SCHIP1: variants seen among roughly 807,000 people sequenced by gnomAD.
The protein encoded by SCHIP1 is schwannomin-interacting protein 1.
Under a neutral mutation model 29.7 loss-of-function variants are expected in SCHIP1, and 8 were observed. The observed-to-expected ratio is 0.27, with a 90% CI of 0.16 to 0.49. The LOEUF (loss-of-function observed/expected upper bound fraction) is 0.49. Ranked by LOEUF, SCHIP1 falls within the 20% of genes least tolerant of loss-of-function variation. The pLI is 0.99. For missense variants in SCHIP1, 193 were observed against 294.6 expected, an observed-to-expected ratio of 0.66 and a Z score of 2.52; for synonymous variants, 76 against 94.9, an observed-to-expected ratio of 0.80 and a Z score of 1.16.
At chr3:159,630,689 A>G in the SCHIP1 span, among the ~76,000 whole-genome samples, 2 of 151,856 alleles carry the variant, frequency 1.3e-5, no homozygotes, top group African/African-American at 4.9e-5. Flanking sequence ...ACAAAGGTAT[A>G]AGAATGATAC....
the SCHIP1 span, among the ~76,000 whole-genome samples, chr3:159,316,920 G>A: frequency 8.7e-3 from 1,331 of 152,296 alleles, 17 homozygotes; most frequent in African/African-American, 0.031. Flanking sequence ...AGCTGGTCAC[G>A]TGGCTGTAGC....
At chr3:159,435,644 C>A in the SCHIP1 span, among the ~76,000 whole-genome samples, 1 of 152,132 alleles carries the variant, frequency 6.6e-6, no homozygotes, top group Non-Finnish European at 1.5e-5. Context: ...TACATTCTTG[C>A]AGACATTATG....
At chr3:159,864,985 A>C (rs1334329675) in intron 1 of SCHIP1, among the ~76,000 whole-genome samples, 1 of 152,182 alleles carries the variant, frequency 6.6e-6, no homozygotes, top group Non-Finnish European at 1.5e-5. Context: ...AACCTATTGT[A>C]TACTGTCCTT....
At chr3:159,546,295 G>A in the SCHIP1 span, among the ~76,000 whole-genome samples, 1 of 151,990 alleles carries the variant, frequency 6.6e-6, no homozygotes, top group African/African-American at 2.4e-5. Flanking sequence ...CAATTTCTGG[G>A]GGAAAGGAGT....
chr3:159,707,365 A>G, the SCHIP1 span, among the ~76,000 whole-genome samples: 1 of 152,244 alleles, frequency 6.6e-6, no homozygotes, highest in African/African-American at 2.4e-5. Context: ...AGCTCTCAGC[A>G]CTTAAGAGTT....
chr3:159,563,251 A>G, the SCHIP1 span, among the ~76,000 whole-genome samples: 1 of 152,214 alleles, frequency 6.6e-6, no homozygotes, highest in African/African-American at 2.4e-5. Context: ...TGTGATTAAT[A>G]TTAATCCTCA....
At chr3:159,875,023 AAAAAAAAAAC>A (rs1200493369) in intron 2 of SCHIP1, among the ~76,000 whole-genome samples, 3 of 151,060 alleles carry the variant, frequency 2.0e-5, no homozygotes, top group Non-Finnish European at 3.0e-5. Context: ...TAGTCTAAAA[AAAAAAAAAAC>A]AAAAACTATC....
chr3:159,751,746 C>T, the SCHIP1 span, among the ~76,000 whole-genome samples: 64,786 of 151,666 alleles, frequency 0.43, 14,960 homozygotes, highest in Middle Eastern at 0.55. Context: ...TGGGGTTTCA[C>T]AGTGTTAGCC....
chr3:159,662,545 T>C, the SCHIP1 span, among the ~76,000 whole-genome samples: 1 of 152,196 alleles, frequency 6.6e-6, no homozygotes, highest in African/African-American at 2.4e-5. Context: ...CACCCAGTCA[T>C]ATCAGAATCA....
the SCHIP1 span, among the ~76,000 whole-genome samples, chr3:159,752,587 G>A: frequency 3.2e-4 from 48 of 152,264 alleles, no homozygotes; most frequent in South Asian, 8.3e-4. Context: ...GGTAAAGTGG[G>A]AGTGAGGTGT....
chr3:159,774,264 T>G, the SCHIP1 span, among the ~76,000 whole-genome samples: 2 of 152,248 alleles, frequency 1.3e-5, no homozygotes, highest in African/African-American at 4.8e-5. Flanking sequence ...TCTCCTTGTT[T>G]CTCAGATGGT....
the SCHIP1 span, among the ~76,000 whole-genome samples, chr3:159,655,556 G>A: frequency 0.018 from 2,708 of 152,192 alleles, 79 homozygotes; most frequent in African/African-American, 0.063. Context: ...GCTGGAGATA[G>A]GAATGTTACC....
chr3:159,773,323 G>C, the SCHIP1 span, among the ~76,000 whole-genome samples: 2 of 152,176 alleles, frequency 1.3e-5, no homozygotes, highest in Non-Finnish European at 2.9e-5. Context: ...GGATTTTAGA[G>C]ATAGACAGGG....
chr3:159,574,426 G>A, the SCHIP1 span, among the ~76,000 whole-genome samples: 1 of 152,274 alleles, frequency 6.6e-6, no homozygotes, highest in East Asian at 1.9e-4. Flanking sequence ...TTGCCTAGGT[G>A]TCACCAGCAG....
the SCHIP1 span, among the ~76,000 whole-genome samples, chr3:159,638,803 A>G: frequency 6.6e-6 from 1 of 152,078 alleles, no homozygotes; most frequent in Non-Finnish European, 1.5e-5. Flanking sequence ...TTACATATGC[A>G]TACGTATTTA....
chr3:159,286,915 G>A, the SCHIP1 span, among the ~76,000 whole-genome samples: 1 of 151,964 alleles, frequency 6.6e-6, no homozygotes, highest in African/African-American at 2.4e-5. Flanking sequence ...TTTTTAATGG[G>A]GTTGTTTTCT....
At chr3:159,765,016 G>A in the SCHIP1 span, 1 of 1,536,288 alleles carries the variant, frequency 6.5e-7, no homozygotes, top group Non-Finnish European at 8.8e-7. Flanking sequence ...CGGGACGTGC[G>A]TCCCCGAAGA....
the SCHIP1 span, among the ~76,000 whole-genome samples, chr3:159,467,528 T>C: frequency 6.6e-6 from 1 of 151,994 alleles, no homozygotes; most frequent in African/African-American, 2.4e-5. Flanking sequence ...CTGGCCAGTC[T>C]TAACTTTCAT....
the SCHIP1 span, among the ~76,000 whole-genome samples, chr3:159,785,337 C>T: frequency 6.6e-6 from 1 of 152,214 alleles, no homozygotes; most frequent in Non-Finnish European, 1.5e-5. Flanking sequence ...TGTGCAACAT[C>T]TCAATTTGAT....
Sources: gnomAD v4.1 joint callset for allele counts (sites outside exome capture counted in the v4.1 genomes callset) on GRCh38, gnomAD v4.1.1 for gene constraint, MANE v1.5 for transcripts, NCBI Gene and HGNC (gene_info 2026-07-23, HGNC 2026-07-21) for gene names.